Variants in SLC14A2 observed in about 807,000 individuals in gnomAD.
SLC14A2 encodes the protein urea transporter 2.
A neutral mutation model predicts 104.6 loss-of-function variants in SLC14A2; 91 were observed. The observed-to-expected ratio is 0.87, with a 90% CI of 0.73 to 1.04. The LOEUF (loss-of-function observed/expected upper bound fraction) is 1.04, where lower values mean the gene tolerates loss of function less well. SLC14A2 is among the 50% of genes least tolerant of loss of function. The pLI, the probability that SLC14A2 is intolerant of heterozygous loss-of-function variation, is 0.00. For synonymous variants in SLC14A2, 476 were observed against 466.4 expected, an observed-to-expected ratio of 1.02 and a Z score of -0.27; for missense variants, 1,189 against 1,156.0, an observed-to-expected ratio of 1.03 and a Z score of -0.41.
chr18:45,459,186 C>G (rs1329457210), intron 1 of SLC14A2, among the ~76,000 whole-genome samples: 2 of 152,164 alleles, frequency 1.3e-5, no homozygotes, highest in Non-Finnish European at 2.9e-5. Flanking sequence ...CCCTTCACCA[C>G]CGCCTGCCAG....
chr18:45,269,241 C>T (rs765661364), intron 1 of SLC14A2, among the ~76,000 whole-genome samples: 19 of 151,994 alleles, frequency 1.3e-4, no homozygotes, highest in Non-Finnish European at 2.2e-4. Context: ...ATTCTTCTCA[C>T]GTGGTTGGTG....
intron 1 of SLC14A2, among the ~76,000 whole-genome samples, chr18:45,444,009 AAAAGT>A (rs2086724492): frequency 6.6e-6 from 1 of 152,216 alleles, no homozygotes; most frequent in Non-Finnish European, 1.5e-5. Context: ...GGTCCCTGGA[AAAAGT>A]AAAGAGGACA....
chr18:45,218,423 G>T (rs1417098373), intron 1 of SLC14A2, among the ~76,000 whole-genome samples: 1 of 152,166 alleles, frequency 6.6e-6, no homozygotes, highest in Non-Finnish European at 1.5e-5. Context: ...AGTTGATGAA[G>T]AAGATAAAAT....
chr18:45,199,103 C>T, the SLC14A2 span, among the ~76,000 whole-genome samples: 1 of 152,116 alleles, frequency 6.6e-6, no homozygotes. Flanking sequence ...TATACATTCA[C>T]AATTATTTTC....
At chr18:45,456,224 C>G (rs1198227484) in intron 1 of SLC14A2, among the ~76,000 whole-genome samples, 1 of 152,116 alleles carries the variant, frequency 6.6e-6, no homozygotes, top group African/African-American at 2.4e-5. Context: ...TTCAGAACCA[C>G]AGGGCTAGGC....
At chr18:45,400,978 C>T (rs1376482202) in intron 1 of SLC14A2, among the ~76,000 whole-genome samples, 1 of 152,116 alleles carries the variant, frequency 6.6e-6, no homozygotes. Flanking sequence ...CTTTCTCTGC[C>T]TTAGCTCTGT....
intron 1 of SLC14A2, among the ~76,000 whole-genome samples, chr18:45,343,457 T>C (rs2085417597): frequency 6.6e-6 from 1 of 152,078 alleles, no homozygotes; most frequent in Non-Finnish European, 1.5e-5. Context: ...CTCCCTCCTG[T>C]GACCCCCTGA....
chr18:45,288,685 A>G (rs2084839628), intron 1 of SLC14A2, among the ~76,000 whole-genome samples: 1 of 152,198 alleles, frequency 6.6e-6, no homozygotes. Flanking sequence ...TCCTCATCCC[A>G]ATTCTGAGGG....
rs949072303 is a variant in SLC14A2, at chr18:45,682,532, A to T, written c.*13A>T. ...CGATGTCTCCTAAGTTTCCCTGTCT[A>T]AAACACATCAGTGTAAATTCAGGCT... is the stretch of plus-strand genomic sequence containing the variant. On this transcript the variant is annotated 3_prime_UTR_variant, in exon 20 of 20. Transcript: ENST00000255226. The T allele has an allele frequency of 1.2e-6, 2 of 1,607,650 alleles. No homozygotes were observed. Among genetic ancestry groups the T allele is most frequent in the Non-Finnish European group, 1.7e-6 (2 of 1,174,096 alleles).
At chr18:45,411,315 A>G (rs775770053) in intron 1 of SLC14A2, among the ~76,000 whole-genome samples, 9 of 152,146 alleles carry the variant, frequency 5.9e-5, no homozygotes, top group Non-Finnish European at 7.3e-5. Flanking sequence ...GCTAATTTAA[A>G]TTAGTTCCTT....
rs188724723 is a variant in SLC14A2, at chr18:45,622,449, G to A, written c.-34-2182G>A. Among the ~76,000 whole-genome samples the A allele has an allele frequency of 3.4e-3, 515 of 152,220 alleles. 2 individuals are homozygous for A. Among genetic ancestry groups the A allele is most frequent in the African/African-American group, 0.012 (489 of 41,518 alleles). On this transcript the variant is annotated intron_variant, in intron 1 of 19. Transcript: ENST00000255226. ...TTTGGCAAATTAAGGCACTTGGAAC[G>A]TCTATATGTGAGTGTAAAGTAGACA... is the stretch of plus-strand genomic sequence containing the variant.
intron 2 of SLC14A2, among the ~76,000 whole-genome samples, chr18:45,504,744 C>T (rs2043255426): frequency 6.6e-6 from 1 of 152,186 alleles, no homozygotes; most frequent in South Asian, 2.1e-4. Context: ...TTATTAAAAC[C>T]AACAAATTAT....
At chr18:45,349,267 T>A (rs79849167) in intron 1 of SLC14A2, among the ~76,000 whole-genome samples, 1,619 of 152,244 alleles carry the variant, frequency 0.011, 34 homozygotes, top group African/African-American at 0.037. Context: ...ATAGGAGAAA[T>A]GTTACATAAT....
In SLC14A2 at chr18:45,644,045, G is replaced by C. The variant is rs1196302830; in HGVS notation, c.1236G>C (p.Leu412=). The C allele has an allele frequency of 6.2e-7, 1 of 1,614,162 alleles. No individual in the cohort carries two copies. Among genetic ancestry groups the C allele is most frequent in the Non-Finnish European group, 8.5e-7 (1 of 1,180,022 alleles). ...FCLATIIFLL[L]TTNNPAIFRL... ...TTGCCACCATCATCTTCCTGCTCCT[G>C]ACGACAAACAACCCAGCCATCTTCA... Residue 412 remains leucine (L), a synonymous_variant, in exon 10 of 20, where the codon CTG becomes CTC. Coordinates refer to ENST00000255226, the MANE Select transcript of SLC14A2 (RefSeq NM_007163.4).
chr18:45,179,623 C>A, the SLC14A2 span, among the ~76,000 whole-genome samples: 3 of 152,126 alleles, frequency 2.0e-5, no homozygotes, highest in Non-Finnish European at 2.9e-5. Flanking sequence ...CGAAGGAGAA[C>A]ACAGCAAGGT....
chr18:45,624,199 AGCCTCCAT>A (rs1475510162), intron 1 of SLC14A2, among the ~76,000 whole-genome samples: 2 of 152,196 alleles, frequency 1.3e-5, no homozygotes, highest in Non-Finnish European at 2.9e-5. Flanking sequence ...TAAGCAATGT[AGCCTCCAT>A]AGAAATTCAG....
chr18:45,565,181 G>A (rs2044250408), intron 2 of SLC14A2, among the ~76,000 whole-genome samples: 2 of 151,206 alleles, frequency 1.3e-5, no homozygotes, highest in Non-Finnish European at 2.9e-5. Context: ...CTGAAGGGCA[G>A]TGGCATGATC....
chr18:45,571,508 A>G (rs1459598645), intron 2 of SLC14A2, among the ~76,000 whole-genome samples: 1 of 152,232 alleles, frequency 6.6e-6, no homozygotes, highest in East Asian at 1.9e-4. Context: ...CTTTGAGGCT[A>G]CAGAAGGGAG....
intron 1 of SLC14A2, among the ~76,000 whole-genome samples, chr18:45,479,425 T>C (rs1179213586): frequency 6.6e-6 from 1 of 152,218 alleles, no homozygotes; most frequent in Non-Finnish European, 1.5e-5. Context: ...ACTTTAACAA[T>C]GAATTCTCCT....
Sources: gnomAD v4.1 joint callset for allele counts (sites outside exome capture counted in the v4.1 genomes callset) on GRCh38, gnomAD v4.1.1 for gene constraint, MANE v1.5 for transcripts, NCBI Gene and HGNC (gene_info 2026-07-23, HGNC 2026-07-21) for gene names.